Variants in TEAD1 observed in about 807,000 individuals in gnomAD.
TEAD1 encodes transcriptional enhancer factor TEF-1.
In TEAD1, 9 loss-of-function variants were observed where a neutral mutation model predicts 54.9. The ratio of observed to expected loss-of-function variants is 0.16; its 90% CI spans 0.10 to 0.29. The LOEUF (loss-of-function observed/expected upper bound fraction) is 0.29, where lower values mean the gene tolerates loss of function less well. Among genes scored for constraint, TEAD1 ranks in the 10% least tolerant of loss-of-function variants. The pLI, the probability that TEAD1 is intolerant of heterozygous loss-of-function variation, is 1.00. For missense variants in TEAD1, 387 were observed against 535.9 expected (o/e 0.72, Z 2.74); for synonymous variants, 200 against 187.8 (o/e 1.07, Z -0.53).
At chr11:12,702,850 C>A (rs567735049) in intron 2 of TEAD1, among the ~76,000 whole-genome samples, 30 of 152,282 alleles carry the variant, frequency 2.0e-4, no homozygotes, top group African/African-American at 7.2e-4. Flanking sequence ...TTCTTGTGAA[C>A]TGGCACTGTT....
intron 3 of TEAD1, among the ~76,000 whole-genome samples, chr11:12,826,046 T>G (rs1248121033): frequency 6.6e-6 from 1 of 152,196 alleles, no homozygotes; most frequent in African/African-American, 2.4e-5. Context: ...GGCTAAAGTG[T>G]AGAAGGTTAA....
At chr11:12,688,666 A>G (rs1341027782) in intron 2 of TEAD1, among the ~76,000 whole-genome samples, 3 of 152,108 alleles carry the variant, frequency 2.0e-5, no homozygotes, top group Admixed American at 6.5e-5. Context: ...AGTTCTGCCT[A>G]TTGGCTGTGT....
At chr11:12,935,938 C>T (rs1023546103) in intron 12 of TEAD1, among the ~76,000 whole-genome samples, 2 of 152,116 alleles carry the variant, frequency 1.3e-5, no homozygotes, top group Admixed American at 6.6e-5. Context: ...ATGAGATGTA[C>T]TGCAAGACTA....
intron 10 of TEAD1, among the ~76,000 whole-genome samples, chr11:12,906,385 C>CA (rs1210981770): frequency 6.6e-6 from 1 of 151,654 alleles, no homozygotes; most frequent in African/African-American, 2.4e-5. Flanking sequence ...ACTAAAAATA[C>CA]AAAAAATTAG....
chr11:12,681,529 C>G (rs1590046730), intron 2 of TEAD1, among the ~76,000 whole-genome samples: 1 of 152,342 alleles, frequency 6.6e-6, no homozygotes, highest in African/African-American at 2.4e-5. Flanking sequence ...ACTCAAGTGT[C>G]CAGTGAAGCT....
At chr11:12,868,280 G>A (rs1334191414) in intron 5 of TEAD1, among the ~76,000 whole-genome samples, 1 of 152,156 alleles carries the variant, frequency 6.6e-6, no homozygotes, top group Non-Finnish European at 1.5e-5. Flanking sequence ...CTTAGTAATG[G>A]CCTCTTAGGC....
intron 2 of TEAD1, among the ~76,000 whole-genome samples, chr11:12,755,145 A>G (rs1944960955): frequency 6.6e-6 from 1 of 152,014 alleles, no homozygotes; most frequent in African/African-American, 2.4e-5. Flanking sequence ...AGCAGGGATG[A>G]CTCTCCAGGC....
At chr11:12,760,853 T>A (rs927690454) in intron 2 of TEAD1, among the ~76,000 whole-genome samples, 2 of 152,138 alleles carry the variant, frequency 1.3e-5, no homozygotes, top group African/African-American at 4.8e-5. Context: ...GTATCCAGTA[T>A]GGGGAGCATT....
chr11:12,767,738 G>A (rs1223728372), intron 3 of TEAD1, among the ~76,000 whole-genome samples: 1 of 152,170 alleles, frequency 6.6e-6, no homozygotes, highest in Non-Finnish European at 1.5e-5. Flanking sequence ...CTTATGTGTA[G>A]GCAGTCGTTT....
chr11:12,875,863 G>A (rs2134088653), intron 5 of TEAD1, among the ~76,000 whole-genome samples: 1 of 152,252 alleles, frequency 6.6e-6, no homozygotes, highest in Non-Finnish European at 1.5e-5. Flanking sequence ...TGTTTATAAT[G>A]GAATTTACCC....
At chr11:12,725,805 A>G (rs572203384) in intron 2 of TEAD1, among the ~76,000 whole-genome samples, 73 of 152,308 alleles carry the variant, frequency 4.8e-4, no homozygotes, top group African/African-American at 1.8e-3. Context: ...CTGGTTGTAC[A>G]GGAAGGCTAA....
intron 10 of TEAD1, among the ~76,000 whole-genome samples, chr11:12,907,275 A>T (rs940690327): frequency 6.6e-6 from 1 of 152,192 alleles, no homozygotes; most frequent in East Asian, 1.9e-4. Context: ...GTTGCAGCTG[A>T]ATCTTCACTG....
At chr11:12,884,282 G>A (rs968532736) in intron 9 of TEAD1, among the ~76,000 whole-genome samples, 3 of 152,188 alleles carry the variant, frequency 2.0e-5, no homozygotes, top group East Asian at 1.9e-4. Flanking sequence ...ATCTGTGTGT[G>A]GGTGAGCCCA....
At chr11:12,726,606 T>C (rs1314428987) in intron 2 of TEAD1, among the ~76,000 whole-genome samples, 1 of 152,202 alleles carries the variant, frequency 6.6e-6, no homozygotes, top group Non-Finnish European at 1.5e-5. Context: ...CGGTGGCTCA[T>C]GTCTATAATT....
At chr11:12,792,742 T>G (rs553030827) in intron 3 of TEAD1, among the ~76,000 whole-genome samples, 2 of 152,276 alleles carry the variant, frequency 1.3e-5, no homozygotes, top group East Asian at 3.9e-4. Flanking sequence ...AAAACATTGG[T>G]TATGGGCCAG....
chr11:12,925,061 G>T lies in TEAD1; in HGVS notation c.1014+9G>T, dbSNP rs1948882248. On this transcript the variant is annotated intron_variant, in intron 11 of 12. Coordinates refer to ENST00000527636, the MANE Select transcript of TEAD1 (RefSeq NM_021961.6). The stretch of plus-strand genomic sequence containing the variant: ...TAGTAGAAAAAGTAGAGGTAAGTTG[G>T]CCTCTGTATACTGGAAACTTCATTC... The T allele has an allele frequency of 1.2e-6, 2 of 1,613,868 alleles. No homozygotes were observed. Among genetic ancestry groups the T allele is most frequent in the East Asian group, 4.5e-5 (2 of 44,874 alleles).
chr11:12,768,662 A>T (rs1564933253), intron 3 of TEAD1, among the ~76,000 whole-genome samples: 2 of 152,356 alleles, frequency 1.3e-5, no homozygotes, highest in East Asian at 1.9e-4. Context: ...AGACCGTTAT[A>T]CATAAATCCA....
intron 2 of TEAD1, among the ~76,000 whole-genome samples, chr11:12,759,278 C>T (rs1025997238): frequency 1.4e-4 from 21 of 151,964 alleles, no homozygotes; most frequent in African/African-American, 4.4e-4. Context: ...TGTCTTATCC[C>T]GGTCATCCCC....
chr11:12,699,427 T>C (rs1408607558), intron 2 of TEAD1, among the ~76,000 whole-genome samples: 1 of 152,242 alleles, frequency 6.6e-6, no homozygotes, highest in Non-Finnish European at 1.5e-5. Context: ...TAGAATAGTT[T>C]ACCTCATTCT....
Sources: gnomAD v4.1 joint callset for allele counts (sites outside exome capture counted in the v4.1 genomes callset) on GRCh38, gnomAD v4.1.1 for gene constraint, MANE v1.5 for transcripts, NCBI Gene and HGNC (gene_info 2026-07-23, HGNC 2026-07-21) for gene names.